The following PLCE1 variants were observed in gnomAD, a reference collection of about 807,000 sequenced individuals.
PLCE1 encodes phospholipase C epsilon 1.
In PLCE1, 119 loss-of-function variants were observed where a neutral mutation model predicts 242.8. That is an observed-to-expected ratio of 0.49 (90% confidence interval 0.42 to 0.57). The LOEUF is 0.57. Among genes scored for constraint, PLCE1 ranks in the 20% least tolerant of loss-of-function variants. The pLI is 0.00. For missense variants in PLCE1, 2,441 were observed against 2,788.8 expected (o/e 0.88, Z 2.81); for synonymous variants, 945 against 1,017.4 (o/e 0.93, Z 1.35).
chr10:94,325,893 A>G (rs561354496), intron 32 of PLCE1, among the ~76,000 whole-genome samples: 7 of 152,334 alleles, frequency 4.6e-5, no homozygotes, highest in Admixed American at 2.0e-4. Flanking sequence ...TTCTGCCTCA[A>G]TTAAAAAAAT....
intron 2 of PLCE1, chr10:94,099,526 G>A (rs562167267): frequency 5.1e-4 from 77 of 152,282 alleles, no homozygotes; most frequent in Middle Eastern, 3.4e-3. Flanking sequence ...TATTTCTCTC[G>A]AACACATATG....
intron 2 of PLCE1, among the ~76,000 whole-genome samples, chr10:94,098,119 A>C (rs890064608): frequency 6.6e-6 from 1 of 152,210 alleles, no homozygotes; most frequent in Non-Finnish European, 1.5e-5. Flanking sequence ...ACCCTTAGGA[A>C]GAGAATGACT....
chr10:94,328,284 T>C lies in PLCE1; in HGVS notation c.*341T>C, dbSNP rs1042966285. 4.9e-6 allele frequency: 1 copy of C among 205,696 alleles called. No homozygotes were observed. The highest frequency in any genetic ancestry group is 1.0e-5 in the Non-Finnish European group (1 of 97,116). 12.7% of individuals were successfully genotyped at this position (205,696 alleles called of 1,614,324 possible). On this transcript the variant is annotated 3_prime_UTR_variant, in exon 33 of 33. Coordinates refer to ENST00000371380, the MANE Select transcript of PLCE1 (RefSeq NM_016341.4). ...TTTTAGGGCTGGGGGCCATAAAATATGTTGCAACCACCCAATTCTGCCATT... is the reference window on the plus strand; with the variant it reads ...TTTTAGGGCTGGGGGCCATAAAATACGTTGCAACCACCCAATTCTGCCATT...
chr10:94,077,653 A>G (rs1425799040), intron 2 of PLCE1, among the ~76,000 whole-genome samples: 2 of 152,176 alleles, frequency 1.3e-5, no homozygotes. Context: ...CTGTAGTACT[A>G]GCTACTCCGG....
At position 94,325,021 on chromosome 10, in the gene PLCE1, AAGG is replaced by A. The variant is rs771798085; in HGVS notation, c.6856_6858del (p.Glu2286del). On this transcript the variant is annotated inframe_deletion, in exon 32 of 33. Transcript: ENST00000371380. Reference sequence around the variant, plus strand: ...CTTGACCTCAGAAAGTATCCAAACCAAGGAGGAGAAACCTGTGGGTGGCTTGTC... The same window carrying A: ...CTTGACCTCAGAAAGTATCCAAACCAAGGAGAAACCTGTGGGTGGCTTGTC... 1.7e-4 allele frequency: 274 copies of A among 1,614,162 alleles called. 2 individuals are homozygous for A. The South Asian group carries it at 2.8e-3, about 16-fold the overall frequency.
At chr10:94,207,764 A>G (rs557107652) in intron 4 of PLCE1, among the ~76,000 whole-genome samples, 101 of 152,324 alleles carry the variant, frequency 6.6e-4, no homozygotes, top group African/African-American at 2.4e-3. Context: ...TATGCCAGAA[A>G]CAAAGGAAAT....
intron 13 of PLCE1, 97 bp from the exon 14 acceptor site, chr10:94,262,397 C>A: frequency 1.2e-6 from 1 of 840,738 alleles, no homozygotes; most frequent in Non-Finnish European, 2.1e-6. Context: ...TAGTAAAGAG[C>A]TTCTCCATTT....
intron 4 of PLCE1, among the ~76,000 whole-genome samples, chr10:94,218,583 A>G (rs905082885): frequency 6.6e-6 from 1 of 152,170 alleles, no homozygotes; most frequent in African/African-American, 2.4e-5. Context: ...GGACTTGTCT[A>G]CAATTCTGTT....
chr10:94,072,740 C>T (rs1341387162), intron 2 of PLCE1, among the ~76,000 whole-genome samples: 2 of 152,104 alleles, frequency 1.3e-5, no homozygotes, highest in Non-Finnish European at 2.9e-5. Context: ...TGTTATGTTT[C>T]ATCCCTAGAA....
At chr10:94,207,608 C>T (rs1291548760) in intron 4 of PLCE1, among the ~76,000 whole-genome samples, 1 of 151,150 alleles carries the variant, frequency 6.6e-6, no homozygotes. Flanking sequence ...AGCAATGGCA[C>T]TCCAGAGGCA....
At chr10:94,002,309 C>T (rs1011511703) in intron 1 of PLCE1, among the ~76,000 whole-genome samples, 1 of 152,152 alleles carries the variant, frequency 6.6e-6, no homozygotes, top group African/African-American at 2.4e-5. Flanking sequence ...CTTTTGCTGG[C>T]TGAGAATGGT....
At chr10:94,227,212 T>G (rs1203976715) in intron 4 of PLCE1, 94 bp from the exon 5 acceptor site, 1 of 1,207,304 alleles carries the variant, frequency 8.3e-7, no homozygotes, top group East Asian at 2.4e-5. Context: ...AATACCAAAT[T>G]GATATTTTTA....
intron 1 of PLCE1, among the ~76,000 whole-genome samples, chr10:94,011,525 A>G (rs1229165909): frequency 6.6e-6 from 1 of 152,132 alleles, no homozygotes; most frequent in Admixed American, 6.5e-5. Flanking sequence ...CAGTGCCAGT[A>G]AGCTGGAAGA....
chr10:94,199,393 AGAAGTCCC>A (rs1268367438), intron 4 of PLCE1, among the ~76,000 whole-genome samples: 1 of 152,226 alleles, frequency 6.6e-6, no homozygotes, highest in Non-Finnish European at 1.5e-5. Flanking sequence ...TAAATGGGAC[AGAAGTCCC>A]TACCCTACCA....
intron 14 of PLCE1, 94 bp downstream of exon 14, chr10:94,262,826 C>T: frequency 1.1e-6 from 1 of 947,454 alleles, no homozygotes; most frequent in Non-Finnish European, 1.7e-6. Context: ...TACTTCTTTC[C>T]AAAGCCTTTA....
chr10:94,026,872 A>G (rs547503404), intron 1 of PLCE1, among the ~76,000 whole-genome samples: 56 of 152,316 alleles, frequency 3.7e-4, no homozygotes, highest in African/African-American at 1.3e-3. Flanking sequence ...GAGCTGCCAG[A>G]CCTTGGTTGT....
intron 1 of PLCE1, among the ~76,000 whole-genome samples, chr10:94,027,820 A>AATAAAT: frequency 6.7e-6 from 1 of 149,412 alleles, no homozygotes; most frequent in Non-Finnish European, 1.5e-5. Context: ...ACTCCATCTC[A>AATAAAT]AAATAAATAA....
intron 2 of PLCE1, among the ~76,000 whole-genome samples, chr10:94,066,565 C>T (rs2044201087): frequency 6.6e-6 from 1 of 152,086 alleles, no homozygotes; most frequent in African/African-American, 2.4e-5. Flanking sequence ...TGGCCATGCC[C>T]TTCTGTGCGT....
intron 27 of PLCE1, among the ~76,000 whole-genome samples, chr10:94,310,082 CCT>C (rs1428660567): frequency 1.3e-5 from 2 of 152,218 alleles, no homozygotes; most frequent in Non-Finnish European, 2.9e-5. Context: ...CATTATGCTT[CCT>C]CTTTAAACAT....
Sources: gnomAD v4.1 joint callset for allele counts (sites outside exome capture counted in the v4.1 genomes callset) on GRCh38, gnomAD v4.1.1 for gene constraint, MANE v1.5 for transcripts, NCBI Gene and HGNC (gene_info 2026-07-23, HGNC 2026-07-21) for gene names.